The following TRPM3 variants were observed in gnomAD, a reference collection of about 807,000 sequenced individuals.
TRPM3 encodes the protein transient receptor potential cation channel subfamily M member 3, also known as long transient receptor potential channel 3.
In TRPM3, 77 loss-of-function variants were observed where a neutral mutation model predicts 181.2. The observed-to-expected ratio is 0.42, with a 90% confidence interval of 0.35 to 0.51. The LOEUF (loss-of-function observed/expected upper bound fraction) is 0.51. TRPM3 is among the 20% of genes least tolerant of loss of function. The probability of loss-of-function intolerance (pLI) is 0.01; values close to 1 mark genes in which losing one functional copy is unlikely to be tolerated. For missense variants in TRPM3, 1,759 were observed against 2,196.7 expected, an observed-to-expected ratio of 0.80 and a Z score of 3.98; for synonymous variants, 745 against 796.4, an observed-to-expected ratio of 0.94 and a Z score of 1.09.
At chr9:71,029,516 TAAG>T (rs902324292) in intron 1 of TRPM3, among the ~76,000 whole-genome samples, 2 of 152,114 alleles carry the variant, frequency 1.3e-5, no homozygotes, top group Admixed American at 1.3e-4. Flanking sequence ...TTTTTCTCAA[TAAG>T]AAGTCTGAGA....
chr9:70,609,020 CTAGAAGAAACAA>C (rs1447957665), intron 19 of TRPM3, among the ~76,000 whole-genome samples: 1 of 152,120 alleles, frequency 6.6e-6, no homozygotes, highest in African/African-American at 2.4e-5. Flanking sequence ...CGTGAATAGC[CTAGAAGAAACAA>C]TAGTCACAGT....
At chr9:70,548,847 G>GCTCTCTCTCTCTCTCT (rs56761379) in intron 25 of TRPM3, among the ~76,000 whole-genome samples, 6 of 150,176 alleles carry the variant, frequency 4.0e-5, no homozygotes, top group South Asian at 4.2e-4. Context: ...AAGATCTTGT[G>GCTCTCTCTCTCTCTCT]CTCTCTCTCT....
chr9:70,652,916 G>A (rs577923264), intron 9 of TRPM3, among the ~76,000 whole-genome samples: 1 of 152,318 alleles, frequency 6.6e-6, no homozygotes, highest in East Asian at 1.9e-4. Context: ...CAAGAATTTA[G>A]AGTACCTCTC....
intron 6 of TRPM3, among the ~76,000 whole-genome samples, chr9:70,797,307 G>A (rs1424579651): frequency 6.6e-6 from 1 of 152,134 alleles, no homozygotes; most frequent in Non-Finnish European, 1.5e-5. Flanking sequence ...CAGCGTCTGT[G>A]CTCATTGGTT....
At chr9:70,862,446 G>T (rs1251682058) in intron 3 of TRPM3, among the ~76,000 whole-genome samples, 1 of 152,144 alleles carries the variant, frequency 6.6e-6, no homozygotes, top group Middle Eastern at 3.2e-3. Context: ...AACAAGGAAA[G>T]AAATAGGTGG....
chr9:71,287,192 G>A (rs2132243849), intron 1 of TRPM3, among the ~76,000 whole-genome samples: 1 of 148,670 alleles, frequency 6.7e-6, no homozygotes, highest in East Asian at 2.0e-4. Flanking sequence ...GATAGTATCG[G>A]GATGCCCATC....
At chr9:70,560,957 C>T (rs1015967791) in intron 22 of TRPM3, among the ~76,000 whole-genome samples, 5 of 152,018 alleles carry the variant, frequency 3.3e-5, no homozygotes, top group Admixed American at 2.6e-4. Flanking sequence ...CCATCTTGTC[C>T]CTAAAAAGTC....
chr9:71,384,139 G>A (rs1185365194), intron 1 of TRPM3, among the ~76,000 whole-genome samples: 2 of 152,118 alleles, frequency 1.3e-5, no homozygotes, highest in East Asian at 3.9e-4. Context: ...ATATACATCA[G>A]AAAACTTAAA....
rs1460359351 is a variant in TRPM3 at position 70,625,490 on chromosome 9, A to C, written c.1660T>G (p.Tyr554Asp). The C allele has an allele frequency of 6.2e-7, 1 of 1,612,310 alleles. No individual in the cohort carries two copies. ...CTGGTTAATTAATTCACCTTAAAAT[A>C]GATCCAACCGAAACCTGGATACTCT... The part of the protein sequence containing the change: ...KREYPGFGWI[Y>D]FKGNLPPDYR... Residue 554 changes from tyrosine to aspartate, a missense_variant, in exon 13 of 26, where the codon TAT (tyrosine) becomes GAT (aspartate). Tyr to Asp is a radical substitution (Grantham distance 160). This residue lies in a region of TRPM3 where 737 missense variants were observed against 957.4 expected (regional missense o/e 0.77). Coordinates refer to ENST00000677713, the MANE Select transcript of TRPM3 (RefSeq NM_001366145.2). This position sits in a 1 kb window ranked among gnomAD's most constrained non-coding sequence, Gnocchi z 4.8.
At position 70,598,458 on chromosome 9, in the gene TRPM3, G is replaced by A; in HGVS notation, c.3009C>T (p.Asn1003=). The part of the protein sequence containing the change: ...YIRLLDIFGV[N]KYLGPYVMMI... The stretch of plus-strand genomic sequence containing the variant: ...TCATTACATACGGGCCCAAATACTT[G>A]TTCACGCCGAAGATGTCTAGGAGAC... The change falls in exon 21 of 26, where the codon AAC becomes AAT. Residue 1003 remains asparagine (N), a synonymous_variant. Coordinates refer to ENST00000677713, the MANE Select transcript of TRPM3 (RefSeq NM_001366145.2). 6.2e-7 allele frequency: 1 copy of A among 1,614,124 alleles called. No homozygotes were observed. Among genetic ancestry groups the A allele is most frequent in the Non-Finnish European group, 8.5e-7 (1 of 1,180,018 alleles).
In TRPM3 at chr9:71,106,779, T is replaced by C. The variant is rs184928094; in HGVS notation, c.177+14399A>G. On this transcript the variant is annotated intron_variant, in intron 1 of 25. Coordinates refer to ENST00000677713, the MANE Select transcript of TRPM3 (RefSeq NM_001366145.2). ...TGTTATCATTCTGGATGAAAACATT[T>C]TAAAACGTATAAAACAGGATAAAAT... Among the ~76,000 whole-genome samples, 9 of 152,290 alleles carry C rather than the reference T, an allele frequency of 5.9e-5. No homozygotes were observed. The East Asian group carries it at 1.3e-3, about 23-fold the overall frequency.
intron 1 of TRPM3, among the ~76,000 whole-genome samples, chr9:70,924,916 G>A (rs2096705447): frequency 6.6e-6 from 1 of 152,184 alleles, no homozygotes; most frequent in Non-Finnish European, 1.5e-5. Flanking sequence ...AGATGAAGGA[G>A]AAAGAAAAGG....
intron 8 of TRPM3, among the ~76,000 whole-genome samples, chr9:70,742,214 T>C (rs76677714): frequency 0.18 from 27,560 of 152,056 alleles, 2,736 homozygotes; most frequent in South Asian, 0.29. Flanking sequence ...CAAATTAGTA[T>C]AGAAAAAATG....
chr9:70,570,732 T>C (rs1182547178), intron 22 of TRPM3, among the ~76,000 whole-genome samples: 1 of 152,188 alleles, frequency 6.6e-6, no homozygotes, highest in African/African-American at 2.4e-5. Flanking sequence ...ACACGACCTG[T>C]CAACTACTGG....
intron 1 of TRPM3, among the ~76,000 whole-genome samples, chr9:71,017,579 T>C (rs1430196207): frequency 6.6e-6 from 1 of 151,592 alleles, no homozygotes; most frequent in Non-Finnish European, 1.5e-5. Flanking sequence ...TCAGACAAAA[T>C]AGGATTTAAG....
At chr9:71,077,551 C>A (rs1185068339) in intron 1 of TRPM3, among the ~76,000 whole-genome samples, 2 of 152,262 alleles carry the variant, frequency 1.3e-5, no homozygotes, top group South Asian at 4.1e-4. Context: ...TACATAAATG[C>A]TATAGGCTAG....
intron 9 of TRPM3, among the ~76,000 whole-genome samples, chr9:70,642,088 G>A (rs999971352): frequency 2.6e-5 from 4 of 152,200 alleles, no homozygotes; most frequent in African/African-American, 9.7e-5. Context: ...GATATCTCAC[G>A]ATCGGGGAGG....
intron 1 of TRPM3, among the ~76,000 whole-genome samples, chr9:71,103,257 T>G (rs997315439): frequency 6.6e-6 from 1 of 152,142 alleles, no homozygotes; most frequent in Admixed American, 6.5e-5. Context: ...TAAATACCCC[T>G]ATTATGCTTT....
intron 1 of TRPM3, among the ~76,000 whole-genome samples, chr9:70,939,724 G>A (rs1205098851): frequency 6.6e-6 from 1 of 152,180 alleles, no homozygotes; most frequent in Non-Finnish European, 1.5e-5. Flanking sequence ...TAGGAAATAG[G>A]GTTGCTACAG....
Sources: allele counts gnomAD v4.1 joint callset (sites outside exome capture counted in the v4.1 genomes callset), GRCh38; gene constraint gnomAD v4.1.1; regional missense constraint gnomAD v4.1.1; non-coding constraint Gnocchi (gnomAD v3.1); transcripts MANE v1.5; gene names NCBI Gene and HGNC (gene_info 2026-07-23, HGNC 2026-07-21).